The following SLC29A3 variants were observed in gnomAD, a reference collection of about 807,000 sequenced individuals.
SLC29A3 encodes the protein solute carrier family 29 member 3.
A neutral mutation model predicts 25.4 loss-of-function variants in SLC29A3; 18 were observed. The ratio of observed to expected loss-of-function variants is 0.71; its 90% CI spans 0.49 to 1.05. The LOEUF is 1.05. Ranked by LOEUF, SLC29A3 falls within the 50% of genes least tolerant of loss-of-function variation. The probability of loss-of-function intolerance (pLI) is 0.00; values close to 1 mark genes in which losing one functional copy is unlikely to be tolerated. For missense variants in SLC29A3, 586 were observed against 609.0 expected (o/e 0.96, Z 0.40); for synonymous variants, 258 against 267.1 (o/e 0.97, Z 0.33).
chr10:71,339,330 A>G (rs1846334028), intron 2 of SLC29A3, among the ~76,000 whole-genome samples: 1 of 152,278 alleles, frequency 6.6e-6, no homozygotes, highest in Non-Finnish European at 1.5e-5. Context: ...GATTACTTAG[A>G]GACTGGATGT....
chr10:71,344,446 C>T (rs1846509624), intron 3 of SLC29A3, among the ~76,000 whole-genome samples, 155 bp downstream of exon 3: 1 of 152,210 alleles, frequency 6.6e-6, no homozygotes, highest in Non-Finnish European at 1.5e-5. Context: ...AGTGAGAAGT[C>T]AGATCAGATC....
intron 2 of SLC29A3, among the ~76,000 whole-genome samples, 199 bp downstream of exon 2, chr10:71,323,253 G>A (rs539149288): frequency 1.3e-5 from 2 of 152,386 alleles, no homozygotes; most frequent in African/African-American, 4.8e-5. Flanking sequence ...CTCCAGGGAT[G>A]TGAAGGTATG....
At chr10:71,344,323 T>G in intron 3 of SLC29A3, 32 bp downstream of exon 3, 3 of 1,537,410 alleles carry the variant, frequency 2.0e-6, no homozygotes, top group Non-Finnish European at 2.7e-6. Flanking sequence ...CTCAGGCCTC[T>G]GCCTTGGTCT....
At chr10:71,375,028 C>T (rs1232661745) in intron 3 of SLC29A3, among the ~76,000 whole-genome samples, 10 of 152,228 alleles carry the variant, frequency 6.6e-5, no homozygotes, top group South Asian at 6.2e-4. Flanking sequence ...CCTGAGATGG[C>T]GATAATGCAG....
At chr10:71,367,444 C>T (rs1847179305), downstream of SLC29A3, among the ~76,000 whole-genome samples, 2 of 152,140 alleles carry the variant, frequency 1.3e-5, no homozygotes. Flanking sequence ...TAGTAAGTCC[C>T]AGAGCTGTGA....
intron 4 of SLC29A3, among the ~76,000 whole-genome samples, chr10:71,379,178 T>C (rs1226215928): frequency 1.3e-5 from 2 of 152,230 alleles, no homozygotes; most frequent in African/African-American, 2.4e-5. Flanking sequence ...GGTGAGCTCC[T>C]TACCAGTGAG....
At chr10:71,335,096 T>C (rs940102482) in intron 2 of SLC29A3, among the ~76,000 whole-genome samples, 1 of 152,122 alleles carries the variant, frequency 6.6e-6, no homozygotes, top group Admixed American at 6.5e-5. Context: ...CTTTCACCTT[T>C]AGTGAGTGAA....
intron 4 of SLC29A3, 72 bp from the exon 5 acceptor site, chr10:71,356,009 G>A: frequency 1.3e-6 from 2 of 1,562,328 alleles, no homozygotes; most frequent in Non-Finnish European, 1.8e-6. Flanking sequence ...TGAAACCCAA[G>A]CAGGGAGGGG....
intron 3 of SLC29A3, among the ~76,000 whole-genome samples, chr10:71,375,498 C>T (rs1426873541): frequency 1.3e-5 from 2 of 152,164 alleles, no homozygotes; most frequent in African/African-American, 2.4e-5. Context: ...GAATTGAAAA[C>T]AATATTTTAA....
At chr10:71,320,787 A>G (rs1845830756) in intron 1 of SLC29A3, among the ~76,000 whole-genome samples, 3 of 152,324 alleles carry the variant, frequency 2.0e-5, no homozygotes, top group South Asian at 4.1e-4. Flanking sequence ...TCATTCAGCA[A>G]ACATTGACAA....
intron 3 of SLC29A3, among the ~76,000 whole-genome samples, chr10:71,350,912 T>C (rs1175709360): frequency 6.6e-6 from 1 of 152,192 alleles, no homozygotes; most frequent in Non-Finnish European, 1.5e-5. Context: ...AATACCTGTC[T>C]TACAGAACCG....
chr10:71,353,389 T>A (rs1435207192), intron 4 of SLC29A3, among the ~76,000 whole-genome samples: 3 of 152,196 alleles, frequency 2.0e-5, no homozygotes. Flanking sequence ...CACCGCCATC[T>A]CAGAAGGAGG....
chr10:71,349,411 G>A (rs146576631), intron 3 of SLC29A3, among the ~76,000 whole-genome samples: 102 of 152,178 alleles, frequency 6.7e-4, no homozygotes, highest in Admixed American at 1.3e-3. Flanking sequence ...ACACAGTCTC[G>A]GCAGTGAGCT....
chr10:71,372,169 C>T (rs1847216599), intron 3 of SLC29A3, among the ~76,000 whole-genome samples: 2 of 152,174 alleles, frequency 1.3e-5, no homozygotes, highest in Admixed American at 6.5e-5. Flanking sequence ...CGGTGAACTT[C>T]TTGAAGTCCC....
intron 2 of SLC29A3, among the ~76,000 whole-genome samples, chr10:71,332,944 AC>A (rs1267797783): frequency 6.6e-6 from 1 of 151,832 alleles, no homozygotes; most frequent in East Asian, 1.9e-4. Flanking sequence ...CTTCTTCCCC[AC>A]CCGCGCTGCG....
intron 3 of SLC29A3, among the ~76,000 whole-genome samples, chr10:71,350,768 A>G (rs1342673259): frequency 1.3e-5 from 2 of 152,278 alleles, no homozygotes; most frequent in East Asian, 3.9e-4. Flanking sequence ...TCCTCACTCC[A>G]GGGGAGGCAG....
At chr10:71,373,421 C>T (rs1362172631) in intron 3 of SLC29A3, among the ~76,000 whole-genome samples, 2 of 152,178 alleles carry the variant, frequency 1.3e-5, no homozygotes, top group African/African-American at 4.8e-5. Context: ...GCTCAAGAAC[C>T]TCAGGCTCTG....
rs190003480 is a variant in SLC29A3, at chr10:71,362,075, C to T, written c.895C>T (p.Arg299Cys). The T allele has an allele frequency of 7.3e-5, 118 of 1,614,154 alleles. No individual in the cohort carries two copies. In the East Asian group the frequency reaches 2.0e-3, roughly 27 times the overall value. Residue 299 changes from arginine to cysteine, a missense_variant, in exon 6 of 6, where the codon CGC (arginine) becomes TGC (cysteine). Physicochemically the swap from Arg to Cys is radical, Grantham distance 180 (BLOSUM62 -3). Coordinates refer to ENST00000373189, the MANE Select transcript of SLC29A3 (RefSeq NM_018344.6). ...CATTGATTCCCACACACCCCCTCTC[C>T]GCCCCATCCTGAAGAAGACGGCCAG... ...RFIDSHTPPL[R>C]PILKKTASLG...
intron 3 of SLC29A3, among the ~76,000 whole-genome samples, chr10:71,371,049 GGGATTACA>G (rs1441059680): frequency 6.6e-6 from 1 of 152,126 alleles, no homozygotes; most frequent in Non-Finnish European, 1.5e-5. Flanking sequence ...CCAAAGTGCT[GGGATTACA>G]GGTGTGAGTC....
Sources: allele counts gnomAD v4.1 joint callset (sites outside exome capture counted in the v4.1 genomes callset), GRCh38; gene constraint gnomAD v4.1.1; transcripts MANE v1.5; gene names NCBI Gene and HGNC (gene_info 2026-07-23, HGNC 2026-07-21).